TTC29: variants seen among roughly 807,000 people sequenced by gnomAD.
TTC29 encodes the protein tetratricopeptide repeat domain 29.
In TTC29, 49 loss-of-function variants were observed where a neutral mutation model predicts 58.1. That is an observed-to-expected ratio of 0.84 (90% CI 0.67 to 1.07). TTC29 has a LOEUF of 1.07. Among genes scored for constraint, TTC29 ranks in the 50% least tolerant of loss-of-function variants. The pLI, the probability that TTC29 is intolerant of heterozygous loss-of-function variation, is 0.00. For synonymous variants in TTC29, 209 were observed against 196.8 expected, an observed-to-expected ratio of 1.06 and a Z score of -0.52; for missense variants, 582 against 555.6, an observed-to-expected ratio of 1.05 and a Z score of -0.48.
intron 6 of TTC29, among the ~76,000 whole-genome samples, chr4:146,893,345 G>T (rs1296775527): frequency 6.6e-6 from 1 of 152,024 alleles, no homozygotes; most frequent in Non-Finnish European, 1.5e-5. Context: ...ATAGACCAAT[G>T]GAACAGAACA....
chr4:146,817,619 C>A (rs1751502705), intron 10 of TTC29, among the ~76,000 whole-genome samples: 1 of 152,092 alleles, frequency 6.6e-6, no homozygotes, highest in South Asian at 2.1e-4. Context: ...GAGCCCGCAT[C>A]ACCAAGTCAA....
chr4:146,715,543 A>T (rs1742864473), intron 11 of TTC29, among the ~76,000 whole-genome samples: 1 of 152,138 alleles, frequency 6.6e-6, no homozygotes, highest in Non-Finnish European at 1.5e-5. Flanking sequence ...TCTCACTGAC[A>T]TGTAGAAGCT....
chr4:146,908,281 T>A (rs1733660141), intron 5 of TTC29, among the ~76,000 whole-genome samples: 1 of 152,182 alleles, frequency 6.6e-6, no homozygotes, highest in Non-Finnish European at 1.5e-5. Flanking sequence ...AATACCAAAT[T>A]TACATGCCAA....
chr4:146,784,221 C>T (rs140652478), intron 11 of TTC29, among the ~76,000 whole-genome samples: 12 of 151,910 alleles, frequency 7.9e-5, no homozygotes, highest in African/African-American at 2.7e-4. Context: ...CCTTTTTTAA[C>T]ATTTTTTGAG....
intron 11 of TTC29, among the ~76,000 whole-genome samples, chr4:146,751,767 T>G (rs1746016410): frequency 6.6e-6 from 1 of 151,950 alleles, no homozygotes; most frequent in African/African-American, 2.4e-5. Context: ...CTCACATAAA[T>G]AGTTTAACAT....
intron 8 of TTC29, among the ~76,000 whole-genome samples, chr4:146,842,730 A>G (rs573841236): frequency 6.6e-6 from 1 of 152,254 alleles, no homozygotes; most frequent in Non-Finnish European, 1.5e-5. Flanking sequence ...CATCCCCTAC[A>G]CAAAATCCAA....
intron 11 of TTC29, among the ~76,000 whole-genome samples, chr4:146,725,000 T>C (rs1364662877): frequency 6.6e-6 from 1 of 152,132 alleles, no homozygotes; most frequent in Non-Finnish European, 1.5e-5. Context: ...CTGGAGTATA[T>C]ATGGGCATAG....
At chr4:146,915,596 T>C (rs1006158013) in intron 4 of TTC29, among the ~76,000 whole-genome samples, 1 of 152,034 alleles carries the variant, frequency 6.6e-6, no homozygotes, top group Non-Finnish European at 1.5e-5. Context: ...ATAAAAAAGA[T>C]GAATAGATGC....
At chr4:146,755,922 T>A (rs965145635) in intron 11 of TTC29, among the ~76,000 whole-genome samples, 5 of 152,122 alleles carry the variant, frequency 3.3e-5, no homozygotes, top group Non-Finnish European at 7.4e-5. Context: ...CTATTATAGG[T>A]TACTAAAATT....
In TTC29 at chr4:146,835,956, T is replaced by A. The variant is rs200880990; in HGVS notation, c.886-2059A>T. 3.4e-3 allele frequency among the ~76,000 whole-genome samples: 521 copies of A among 152,226 alleles called. 7 individuals carry two copies. Among genetic ancestry groups the A allele is most frequent in the Admixed American group, 0.026 (404 of 15,256 alleles). ...AGACAGCTTTGGCCTTGCACTTGATTCCATAGTAGCTTCCCATTGGAGACA... is the reference window on the plus strand; with the variant it reads ...AGACAGCTTTGGCCTTGCACTTGATACCATAGTAGCTTCCCATTGGAGACA... On this transcript the variant is annotated intron_variant, in intron 8 of 12. Transcript: ENST00000325106.
intron 9 of TTC29, among the ~76,000 whole-genome samples, chr4:146,829,645 C>T (rs867651733): frequency 3.9e-5 from 6 of 151,998 alleles, no homozygotes; most frequent in South Asian, 2.1e-4. Context: ...ATTACTAGGG[C>T]GTGTCATTTC....
At chr4:146,773,876 G>T (rs1238487475) in intron 11 of TTC29, among the ~76,000 whole-genome samples, 1 of 151,544 alleles carries the variant, frequency 6.6e-6, no homozygotes, top group East Asian at 1.9e-4. Context: ...CTGGTCCTGG[G>T]TTTCTTCTTA....
chr4:146,862,417 T>A (rs1035411906), intron 8 of TTC29, among the ~76,000 whole-genome samples: 1 of 151,992 alleles, frequency 6.6e-6, no homozygotes, highest in Non-Finnish European at 1.5e-5. Flanking sequence ...AGATAATGGA[T>A]CACTTATGTA....
intron 11 of TTC29, among the ~76,000 whole-genome samples, chr4:146,729,272 C>T (rs926251449): frequency 2.6e-5 from 4 of 152,038 alleles, no homozygotes; most frequent in Non-Finnish European, 5.9e-5. Flanking sequence ...TTTTCATTTA[C>T]GTTTCTCCTA....
chr4:146,885,447 A>G (rs796600857), intron 6 of TTC29, among the ~76,000 whole-genome samples: 11 of 152,194 alleles, frequency 7.2e-5, no homozygotes, highest in African/African-American at 2.6e-4. Context: ...ACAGTTGTAA[A>G]GAATTGAATA....
chr4:146,795,431 G>A lies in TTC29; in HGVS notation c.1330+8026C>T, dbSNP rs529898194. Among the ~76,000 whole-genome samples, 30 of 152,222 alleles carry A rather than the reference G, an allele frequency of 2.0e-4. No homozygotes were observed. In the South Asian group the frequency reaches 3.7e-3, roughly 19 times the overall value. On this transcript the variant is annotated intron_variant, in intron 11 of 12. Transcript: ENST00000325106. The stretch of plus-strand genomic sequence containing the variant: ...TCATTCCAGACATCATCCACCAGAA[G>A]TGAAATATGTATCCAGGGATAAGGC...
chr4:146,796,246 A>G (rs1471364765), intron 11 of TTC29, among the ~76,000 whole-genome samples: 3 of 152,216 alleles, frequency 2.0e-5, no homozygotes, highest in African/African-American at 7.2e-5. Context: ...TTAAAAACCC[A>G]TAATAATTTC....
At chr4:146,752,080 G>A (rs558340904) in intron 11 of TTC29, among the ~76,000 whole-genome samples, 1 of 152,030 alleles carries the variant, frequency 6.6e-6, no homozygotes, top group East Asian at 1.9e-4. Context: ...AATCAGGCAG[G>A]AGAAGGGAAT....
At chr4:146,871,476 T>C (rs1207518089) in intron 7 of TTC29, among the ~76,000 whole-genome samples, 1 of 151,886 alleles carries the variant, frequency 6.6e-6, no homozygotes, top group Non-Finnish European at 1.5e-5. Flanking sequence ...AGCAAAACTT[T>C]AATTGCAGAT....
Sources: allele counts gnomAD v4.1 joint callset (sites outside exome capture counted in the v4.1 genomes callset), GRCh38; gene constraint gnomAD v4.1.1; transcripts MANE v1.5; gene names NCBI Gene and HGNC (gene_info 2026-07-23, HGNC 2026-07-21).